WIF1: variants seen among roughly 807,000 people sequenced by gnomAD.
WIF1 encodes the protein Wnt inhibitory factor 1.
Under a neutral mutation model 53.5 loss-of-function variants are expected in WIF1, and 35 were observed. That is an observed-to-expected ratio of 0.65 (90% CI 0.50 to 0.87). WIF1 has a LOEUF of 0.87. Among genes scored for constraint, WIF1 ranks in the 40% least tolerant of loss-of-function variants. The pLI is 0.00. For missense variants in WIF1, 467 were observed against 476.8 expected (o/e 0.98, Z 0.19); for synonymous variants, 171 against 170.4 (o/e 1.00, Z -0.03).
At chr12:65,103,116 T>G (rs1455271733) in intron 2 of WIF1, among the ~76,000 whole-genome samples, 1 of 152,250 alleles carries the variant, frequency 6.6e-6, no homozygotes, top group Non-Finnish European at 1.5e-5. Flanking sequence ...CTATAAATCA[T>G]GAACACACAA....
chr12:65,115,692 T>C (rs1387002381), intron 2 of WIF1, among the ~76,000 whole-genome samples: 2 of 152,220 alleles, frequency 1.3e-5, no homozygotes, highest in Non-Finnish European at 2.9e-5. Context: ...AATTCTTTTC[T>C]CATCTAAAAG....
In WIF1 at chr12:65,056,144, G is replaced by A. The variant is rs114022430; in HGVS notation, c.827-18C>T. 1,860 of 1,610,212 alleles carry A rather than the reference G, an allele frequency of 1.2e-3. 15 individuals are homozygous for A. In the African/African-American group the frequency reaches 0.017, roughly 15 times the overall value. ...GCATTTGCCTGAAAAAGAGAAGAATGCAGCTAAACAAGGAACCTGGTGCTT... is the reference window on the plus strand; with the variant it reads ...GCATTTGCCTGAAAAAGAGAAGAATACAGCTAAACAAGGAACCTGGTGCTT... On this transcript the variant is annotated intron_variant, in intron 7 of 9. Coordinates refer to ENST00000286574, the MANE Select transcript of WIF1 (RefSeq NM_007191.5).
intron 7 of WIF1, among the ~76,000 whole-genome samples, chr12:65,056,365 C>A (rs1882526162): frequency 1.2e-4 from 5 of 41,036 alleles, no homozygotes; most frequent in South Asian, 8.0e-4. Flanking sequence ...GCATTTATAT[C>A]CTTTTTTTTT....
intron 3 of WIF1, among the ~76,000 whole-genome samples, chr12:65,076,956 A>C (rs764099739): frequency 2.6e-5 from 4 of 152,248 alleles, no homozygotes; most frequent in Admixed American, 1.3e-4. Flanking sequence ...GTAAAAATTC[A>C]GAGAAAAAAG....
chr12:65,100,120 A>G (rs1176889890), intron 2 of WIF1, among the ~76,000 whole-genome samples: 1 of 152,218 alleles, frequency 6.6e-6, no homozygotes, highest in African/African-American at 2.4e-5. Context: ...AGTAGAAAAT[A>G]TGCTTCCTTA....
intron 2 of WIF1, among the ~76,000 whole-genome samples, chr12:65,093,976 C>A (rs1181660970): frequency 1.3e-5 from 2 of 152,136 alleles, no homozygotes; most frequent in African/African-American, 4.8e-5. Flanking sequence ...AAGTTAAAAC[C>A]ATGGCAAACA....
At chr12:65,051,559 T>G (rs376012600) in intron 9 of WIF1, 89 bp from the exon 10 acceptor site, 3 of 1,415,592 alleles carry the variant, frequency 2.1e-6, no homozygotes, top group Non-Finnish European at 2.8e-6. Flanking sequence ...AAATCCATTT[T>G]TGCCTTTTCA....
At chr12:65,060,027 A>G (rs968528062) in intron 7 of WIF1, among the ~76,000 whole-genome samples, 5 of 151,900 alleles carry the variant, frequency 3.3e-5, no homozygotes, top group Non-Finnish European at 7.4e-5. Context: ...TTCATTTAAA[A>G]AAAAAACAAA....
At chr12:65,068,993 C>A (rs1190787849) in intron 3 of WIF1, 89 bp from the exon 4 acceptor site, 3 of 1,425,650 alleles carry the variant, frequency 2.1e-6, no homozygotes, top group Admixed American at 2.1e-5. Context: ...AGTCAAAGGA[C>A]AAAGCAAAAA....
chr12:65,062,927 T>C (rs1047532386), intron 6 of WIF1, among the ~76,000 whole-genome samples: 3 of 151,934 alleles, frequency 2.0e-5, no homozygotes, highest in African/African-American at 7.3e-5. Flanking sequence ...TTTGTAAACA[T>C]CAGTTTAGAG....
intron 5 of WIF1, 71 bp downstream of exon 5, chr12:65,067,624 A>G (rs1233332030): frequency 6.9e-7 from 1 of 1,448,428 alleles, no homozygotes; most frequent in Non-Finnish European, 9.7e-7. Context: ...AATACACAAT[A>G]CACATGGGGC....
At chr12:65,058,967 G>C (rs1423388105) in intron 7 of WIF1, among the ~76,000 whole-genome samples, 1 of 151,956 alleles carries the variant, frequency 6.6e-6, no homozygotes, top group Non-Finnish European at 1.5e-5. Context: ...CAGAAGAATC[G>C]CTTGAACCTG....
intron 2 of WIF1, among the ~76,000 whole-genome samples, chr12:65,089,109 C>G (rs543287858): frequency 6.6e-6 from 1 of 152,192 alleles, no homozygotes; most frequent in East Asian, 1.9e-4. Flanking sequence ...TTCTCCTAAT[C>G]TCTAGATTCA....
chr12:65,084,970 T>C (rs922014017), intron 2 of WIF1, among the ~76,000 whole-genome samples: 1 of 152,216 alleles, frequency 6.6e-6, no homozygotes, highest in Admixed American at 6.6e-5. Context: ...CCGATCTGTG[T>C]GTAGTTTATA....
intron 2 of WIF1, among the ~76,000 whole-genome samples, chr12:65,098,123 T>C (rs1883231231): frequency 6.6e-6 from 1 of 152,174 alleles, no homozygotes; most frequent in Admixed American, 6.6e-5. Flanking sequence ...TAAGTCAATT[T>C]ATGAACACAG....
chr12:65,051,517 G>A (rs541496816), intron 9 of WIF1, 47 bp from the exon 10 acceptor site: 3 of 1,512,860 alleles, frequency 2.0e-6, no homozygotes, highest in Non-Finnish European at 8.9e-7. Flanking sequence ...ACAAAACCAG[G>A]CTCTTCAGAT....
rs1882425693 is a variant in WIF1 at position 65,050,686 on chromosome 12, G to C, written c.*663C>G. On this transcript the variant is annotated 3_prime_UTR_variant, in exon 10 of 10. Coordinates refer to ENST00000286574, the MANE Select transcript of WIF1 (RefSeq NM_007191.5). ...ACAAACAGTATAAAATGTTTATTAG[G>C]TAAGAGCTGTGTTTTGTTTACAATA... The C allele has an allele frequency of 5.5e-6, 1 of 182,194 alleles. No homozygotes were observed. 11.3% of individuals were successfully genotyped at this position (182,194 alleles called of 1,614,324 possible).
At chr12:65,099,810 C>T (rs1883253618) in intron 2 of WIF1, among the ~76,000 whole-genome samples, 1 of 152,166 alleles carries the variant, frequency 6.6e-6, no homozygotes, top group South Asian at 2.1e-4. Flanking sequence ...GTAGCATACA[C>T]ATTCTTTCTC....
At chr12:65,108,555 C>T (rs745670463) in intron 2 of WIF1, among the ~76,000 whole-genome samples, 5 of 152,200 alleles carry the variant, frequency 3.3e-5, no homozygotes, top group Non-Finnish European at 5.9e-5. Context: ...ATCCATGCAA[C>T]AATCTCAAAG....
Sources: allele counts gnomAD v4.1 joint callset (sites outside exome capture counted in the v4.1 genomes callset), GRCh38; gene constraint gnomAD v4.1.1; transcripts MANE v1.5; gene names NCBI Gene and HGNC (gene_info 2026-07-23, HGNC 2026-07-21).